The following MARCOL variants were observed in gnomAD, a reference collection of about 807,000 sequenced individuals.
MARCOL encodes the protein MARCO-like protein.
At chr5:148,241,306 T>G (rs11949926) in intron 1 of MARCOL, among the ~76,000 whole-genome samples, 5,447 of 151,770 alleles carry the variant, frequency 0.036, 231 homozygotes, top group East Asian at 0.12. Context: ...AGCAGAGCAA[T>G]TGAAAATTCA....
At chr5:148,241,813 A>G (rs930974124) in intron 1 of MARCOL, among the ~76,000 whole-genome samples, 1 of 152,162 alleles carries the variant, frequency 6.6e-6, no homozygotes. Flanking sequence ...AAGAAGAAAT[A>G]TAACCACCAG....
intron 1 of MARCOL, among the ~76,000 whole-genome samples, chr5:148,241,791 G>A (rs115630104): frequency 0.013 from 1,985 of 152,140 alleles, 48 homozygotes; most frequent in African/African-American, 0.046. Flanking sequence ...TGAGCAATTT[G>A]ACCAAAATAG....
chr5:148,240,681 A>G (rs538551841), intron 1 of MARCOL, among the ~76,000 whole-genome samples: 2 of 151,892 alleles, frequency 1.3e-5, no homozygotes, highest in African/African-American at 4.8e-5. Context: ...TTTCTTCCAC[A>G]TATCTACTTT....
At chr5:148,240,627 C>G (rs1755953253) in intron 1 of MARCOL, among the ~76,000 whole-genome samples, 1 of 151,788 alleles carries the variant, frequency 6.6e-6, no homozygotes, top group Admixed American at 6.6e-5. Flanking sequence ...GTTAAAAAAA[C>G]TGAAAGTCAT....
rs969371905 is a variant in MARCOL at position 148,243,499 on chromosome 5, C to G, written c.*245C>G. Reference sequence around the variant, plus strand: ...TCTAGCCAGCAAGGAAATATAGGGTCATCTGGCCAGGAATGGAAGCCAGAG... The same window carrying G: ...TCTAGCCAGCAAGGAAATATAGGGTGATCTGGCCAGGAATGGAAGCCAGAG... On this transcript the variant is annotated 3_prime_UTR_variant, in exon 2 of 2. Transcript: ENST00000638089. The G allele has an allele frequency of 2.7e-6, 1 of 366,024 alleles. No individual in the cohort carries two copies. Among genetic ancestry groups the G allele is most frequent in the Non-Finnish European group, 4.9e-6 (1 of 206,004 alleles). 22.7% of individuals were successfully genotyped at this position (366,024 alleles called of 1,614,324 possible).
At chr5:148,240,487 T>C (rs1441228384) in intron 1 of MARCOL, among the ~76,000 whole-genome samples, 7 of 151,288 alleles carry the variant, frequency 4.6e-5, no homozygotes, top group African/African-American at 1.7e-4. Flanking sequence ...GAAATAATTA[T>C]GTCGTAGTTA....
rs1755970342 is a variant in MARCOL at position 148,241,901 on chromosome 5, G to A, written c.50-545G>A. Among the ~76,000 whole-genome samples, 7 of 152,202 alleles carry A rather than the reference G, an allele frequency of 4.6e-5. No individual in the cohort carries two copies. In the South Asian group the frequency reaches 1.5e-3, roughly 32 times the overall value. ...TGATTGAAAGACACATGTTCTGAAG[G>A]AGAAAGGAAACATCTGTTTTAGGGA... On this transcript the variant is annotated intron_variant, in intron 1 of 1. Transcript: ENST00000638089.
chr5:148,243,290 C>G lies in MARCOL; in HGVS notation c.*36C>G, dbSNP rs1288137547. Reference sequence around the variant, plus strand: ...AGCAAGGGAATATAGGATCTCCTAGCCAACAGGAGAAGCCAGAGTCTTCTA... The same window carrying G: ...AGCAAGGGAATATAGGATCTCCTAGGCAACAGGAGAAGCCAGAGTCTTCTA... On this transcript the variant is annotated 3_prime_UTR_variant, in exon 2 of 2. Coordinates refer to ENST00000638089, the MANE Select transcript of MARCOL (RefSeq NM_001363511.2). 2.5e-6 allele frequency: 1 copy of G among 398,468 alleles called. No homozygotes were observed. 24.7% of individuals were successfully genotyped at this position (398,468 alleles called of 1,614,324 possible).
chr5:148,239,752 A>G (rs1159204), intron 1 of MARCOL, among the ~76,000 whole-genome samples: 119,263 of 151,838 alleles, frequency 0.79, 50,088 homozygotes, highest in Middle Eastern at 0.94. Context: ...ATTCCTTTAT[A>G]GAACATATAT....
At chr5:148,242,010 C>A (rs1341121656) in intron 1 of MARCOL, among the ~76,000 whole-genome samples, 2 of 152,120 alleles carry the variant, frequency 1.3e-5, no homozygotes, top group Non-Finnish European at 2.9e-5. Flanking sequence ...GTCTGCCAGC[C>A]TTTTCCTGTC....
chr5:148,242,946 G>A lies in MARCOL; in HGVS notation c.550G>A (p.Gly184Arg), dbSNP rs1430683152. The change falls in exon 2 of 2, where the codon GGG (glycine) becomes AGG (arginine). Residue 184 changes from glycine (G) to arginine (R), a missense_variant. By Grantham distance (125) the Gly-to-Arg change is moderately radical (BLOSUM62 -2). Coordinates refer to ENST00000638089, the MANE Select transcript of MARCOL (RefSeq NM_001363511.2). The stretch of plus-strand genomic sequence containing the variant: ...GAATCTAGGGTCATCAACCCAGAAA[G>A]GGAATTTAGGATCTTCTAGCCTACA... ...HGNLGSSTQK[G>R]NLGSSSLQGH... is the part of the protein sequence containing the mutation. The A allele has an allele frequency of 2.5e-6, 1 of 398,916 alleles. No individual in the cohort carries two copies. Among genetic ancestry groups the A allele is most frequent in the Admixed American group, 4.4e-5 (1 of 22,672 alleles). The allele number at this position is 398,916 out of a possible 1,614,324, so 24.7% of individuals were successfully genotyped here.
intron 1 of MARCOL, 70 bp from the exon 2 acceptor site, chr5:148,242,376 T>C: frequency 2.5e-6 from 1 of 395,986 alleles, no homozygotes; most frequent in Non-Finnish European, 4.5e-6. Flanking sequence ...TGGACAAATG[T>C]TGTTGATTTA....
At chr5:148,241,207 T>C (rs796214342) in intron 1 of MARCOL, among the ~76,000 whole-genome samples, 5 of 152,032 alleles carry the variant, frequency 3.3e-5, no homozygotes, top group African/African-American at 1.2e-4. Context: ...GAGTATACCA[T>C]AGCATGCTCA....
intron 1 of MARCOL, among the ~76,000 whole-genome samples, chr5:148,240,935 AT>A (rs1470344936): frequency 1.3e-5 from 2 of 151,998 alleles, no homozygotes; most frequent in African/African-American, 4.8e-5. Flanking sequence ...AGCATTGATC[AT>A]TCTACTATAA....
chr5:148,240,910 T>G (rs903592574), intron 1 of MARCOL, among the ~76,000 whole-genome samples: 8 of 151,994 alleles, frequency 5.3e-5, no homozygotes, highest in Admixed American at 2.6e-4. Context: ...TTGTCTAGTT[T>G]ACTCCTCACG....
intron 1 of MARCOL, among the ~76,000 whole-genome samples, chr5:148,240,447 A>G (rs892216658): frequency 6.6e-6 from 1 of 151,714 alleles, no homozygotes; most frequent in East Asian, 1.9e-4. Context: ...TGTCTTAGGC[A>G]CTTTACTTTT....
chr5:148,239,973 AAG>A (rs1299081967), intron 1 of MARCOL, among the ~76,000 whole-genome samples: 1 of 151,956 alleles, frequency 6.6e-6, no homozygotes, highest in Non-Finnish European at 1.5e-5. Context: ...AACAAAGCTG[AAG>A]ATACTTATTT....
At chr5:148,241,556 A>T (rs1755966245) in intron 1 of MARCOL, among the ~76,000 whole-genome samples, 1 of 149,956 alleles carries the variant, frequency 6.7e-6, no homozygotes, top group Non-Finnish European at 1.5e-5. Flanking sequence ...AAAGAAGCAT[A>T]GCCCAATGCA....
intron 1 of MARCOL, 87 bp from the exon 2 acceptor site, chr5:148,242,359 T>C: frequency 2.5e-6 from 1 of 395,470 alleles, no homozygotes; most frequent in Non-Finnish European, 4.5e-6. Context: ...AAAAACATAC[T>C]ATATCTTGGA....
Sources: allele counts gnomAD v4.1 joint callset (sites outside exome capture counted in the v4.1 genomes callset), GRCh38; gene constraint gnomAD v4.1.1; transcripts MANE v1.5; gene names NCBI Gene and HGNC (gene_info 2026-07-23, HGNC 2026-07-21).